Variants in CDK6 observed in about 807,000 individuals in gnomAD.
The protein encoded by CDK6 is cyclin-dependent kinase 6.
In CDK6, 6 loss-of-function variants were observed where a neutral mutation model predicts 37.1. The ratio of observed to expected loss-of-function variants is 0.16; its 90% confidence interval spans 0.09 to 0.32. The LOEUF (loss-of-function observed/expected upper bound fraction) is 0.32. Ranked by LOEUF, CDK6 falls within the 10% of genes least tolerant of loss-of-function variation. The pLI is 1.00. For missense variants in CDK6, 224 were observed against 418.9 expected (o/e 0.53, Z 4.06); for synonymous variants, 160 against 161.3 (o/e 0.99, Z 0.06).
chr7:92,708,296 TA>T (rs1337912809), intron 4 of CDK6, among the ~76,000 whole-genome samples: 2 of 152,218 alleles, frequency 1.3e-5, no homozygotes, highest in East Asian at 3.8e-4. Flanking sequence ...ATATTACTTT[TA>T]TAATAGACAT....
At chr7:92,682,024 T>A (rs1797348403) in intron 4 of CDK6, among the ~76,000 whole-genome samples, 1 of 152,124 alleles carries the variant, frequency 6.6e-6, no homozygotes, top group African/African-American at 2.4e-5. Context: ...ACCTACCCAG[T>A]TTCCCTACTT....
At chr7:92,719,223 C>T (rs28691637) in intron 4 of CDK6, among the ~76,000 whole-genome samples, 25,773 of 152,064 alleles carry the variant, frequency 0.17, 3,337 homozygotes, top group African/African-American at 0.36. Context: ...GCTACACAGA[C>T]CATCCCATCA....
intron 2 of CDK6, among the ~76,000 whole-genome samples, chr7:92,825,161 C>T (rs1331735942): frequency 6.6e-6 from 1 of 152,042 alleles, no homozygotes; most frequent in Non-Finnish European, 1.5e-5. Context: ...TCAATATGCA[C>T]TTTTTGTGAC....
intron 2 of CDK6, among the ~76,000 whole-genome samples, chr7:92,782,077 T>C (rs1055245919): frequency 5.3e-5 from 8 of 152,178 alleles, no homozygotes; most frequent in African/African-American, 1.9e-4. Context: ...GCAGCACCCA[T>C]AAACATTTAC....
intron 5 of CDK6, among the ~76,000 whole-genome samples, chr7:92,665,561 T>C (rs1796937664): frequency 6.6e-6 from 1 of 152,228 alleles, no homozygotes; most frequent in Non-Finnish European, 1.5e-5. Context: ...CCATCTGCCC[T>C]ATGACTCTCT....
intron 5 of CDK6, among the ~76,000 whole-genome samples, chr7:92,660,959 T>C (rs567002139): frequency 2.6e-5 from 4 of 152,250 alleles, no homozygotes; most frequent in East Asian, 3.9e-4. Context: ...CTTATCTAGA[T>C]AGAATTCTTT....
chr7:92,792,370 T>G (rs1800306183), intron 2 of CDK6, among the ~76,000 whole-genome samples: 1 of 152,202 alleles, frequency 6.6e-6, no homozygotes, highest in African/African-American at 2.4e-5. Context: ...TAGGTTGCAC[T>G]AAATTATATT....
At chr7:92,784,651 C>T (rs1800077994) in intron 2 of CDK6, among the ~76,000 whole-genome samples, 1 of 152,184 alleles carries the variant, frequency 6.6e-6, no homozygotes. Flanking sequence ...GTGAGGGGAA[C>T]TCAAGTCGCA....
intron 5 of CDK6, among the ~76,000 whole-genome samples, chr7:92,636,169 C>A (rs1796165606): frequency 6.6e-6 from 1 of 152,048 alleles, no homozygotes; most frequent in Admixed American, 6.5e-5. Context: ...ATTCACCCAC[C>A]TCAGCCTCCT....
intron 2 of CDK6, among the ~76,000 whole-genome samples, chr7:92,817,602 T>C (rs1348402560): frequency 1.3e-5 from 2 of 151,826 alleles, no homozygotes; most frequent in Non-Finnish European, 2.9e-5. Flanking sequence ...GCCAAAAACA[T>C]CTGCTCTCAC....
At chr7:92,749,382 T>G (rs1799136776) in intron 3 of CDK6, among the ~76,000 whole-genome samples, 1 of 152,076 alleles carries the variant, frequency 6.6e-6, no homozygotes, top group South Asian at 2.1e-4. Context: ...GAGGATTGCT[T>G]CAGCCCAGGA....
chr7:92,700,804 G>C (rs148636872), intron 4 of CDK6, among the ~76,000 whole-genome samples: 1 of 152,254 alleles, frequency 6.6e-6, no homozygotes, highest in East Asian at 1.9e-4. Flanking sequence ...AGGATACCAC[G>C]ATGTCACAGA....
chr7:92,682,194 C>T (rs1410432340), intron 4 of CDK6, among the ~76,000 whole-genome samples: 1 of 152,152 alleles, frequency 6.6e-6, no homozygotes, highest in African/African-American at 2.4e-5. Context: ...GCTCACCACT[C>T]TCCTGCTTAA....
At position 92,833,409 on chromosome 7, in the gene CDK6, G is replaced by A; in HGVS notation, c.-86C>T. Reference sequence around the variant, plus strand: ...CTGGCGGCCGCCGCTCGCCTACTCCGGGGCTCCCCGGAGATCGGTCTAGCT... The same window carrying A: ...CTGGCGGCCGCCGCTCGCCTACTCCAGGGCTCCCCGGAGATCGGTCTAGCT... On this transcript the variant is annotated 5_prime_UTR_variant, in exon 2 of 8. Transcript: ENST00000424848. This position sits in a 1 kb window ranked among gnomAD's most constrained non-coding sequence, Gnocchi z 6.1. 1.1e-6 allele frequency: 1 copy of A among 915,046 alleles called. No homozygotes were observed. Among genetic ancestry groups the A allele is most frequent in the Non-Finnish European group, 1.6e-6 (1 of 623,458 alleles). The allele number at this position is 915,046 out of a possible 1,614,324, so 56.7% of individuals were successfully genotyped here.
At chr7:92,641,608 T>A (rs899865714) in intron 5 of CDK6, among the ~76,000 whole-genome samples, 1 of 152,194 alleles carries the variant, frequency 6.6e-6, no homozygotes, top group African/African-American at 2.4e-5. Flanking sequence ...TGAAAGAACA[T>A]AATACATACT....
chr7:92,780,342 T>G (rs1799955327), intron 2 of CDK6, among the ~76,000 whole-genome samples: 1 of 152,220 alleles, frequency 6.6e-6, no homozygotes, highest in African/African-American at 2.4e-5. Flanking sequence ...ATCCCTGGTA[T>G]TTGGCTAGAG....
chr7:92,635,415 C>T (rs998848498), intron 5 of CDK6, among the ~76,000 whole-genome samples: 2 of 152,180 alleles, frequency 1.3e-5, no homozygotes, highest in Admixed American at 1.3e-4. Flanking sequence ...TCCCAGAGTG[C>T]AGGCAGGCCA....
At chr7:92,696,675 T>C (rs992427086) in intron 4 of CDK6, among the ~76,000 whole-genome samples, 52 of 152,304 alleles carry the variant, frequency 3.4e-4, no homozygotes, top group African/African-American at 1.1e-3. Flanking sequence ...CTTTGGTCTA[T>C]GAGAAATTTT....
chr7:92,612,711 C>T lies in CDK6; in HGVS notation c.*2429G>A, dbSNP rs1231066750. ...ATGCTAGGAATAAAAGTTGAGCTCT[C>T]TACTCATTTAAAATTCTAAAGAATG... On this transcript the variant is annotated 3_prime_UTR_variant, in exon 8 of 8. Transcript: ENST00000424848. The T allele has an allele frequency of 4.3e-6, 1 of 233,010 alleles. No individual in the cohort carries two copies. The highest frequency in any genetic ancestry group is 2.2e-5 in the African/African-American group (1 of 45,342). The allele number at this position is 233,010 out of a possible 1,614,324, so 14.4% of individuals were successfully genotyped here.
Sources: allele counts gnomAD v4.1 joint callset (sites outside exome capture counted in the v4.1 genomes callset), GRCh38; gene constraint gnomAD v4.1.1; non-coding constraint Gnocchi (gnomAD v3.1); transcripts MANE v1.5; gene names NCBI Gene and HGNC (gene_info 2026-07-23, HGNC 2026-07-21).